Variants in MTRF1 observed in about 807,000 individuals in gnomAD.
MTRF1 encodes mitochondrial translation release factor 1, also known as peptide chain release factor 1, mitochondrial.
Under a neutral mutation model 62.9 loss-of-function variants are expected in MTRF1, and 51 were observed. The observed-to-expected ratio is 0.81, with a 90% confidence interval of 0.65 to 1.02. The LOEUF (loss-of-function observed/expected upper bound fraction) is 1.02. Among genes scored for constraint, MTRF1 ranks in the 50% least tolerant of loss-of-function variants. The pLI, the probability that MTRF1 is intolerant of heterozygous loss-of-function variation, is 0.00. For missense variants in MTRF1, 446 were observed against 530.0 expected, an observed-to-expected ratio of 0.84 and a Z score of 1.56; for synonymous variants, 158 against 181.9, an observed-to-expected ratio of 0.87 and a Z score of 1.06.
the MTRF1 span, among the ~76,000 whole-genome samples, chr13:41,299,078 T>C: frequency 7.1e-6 from 1 of 141,614 alleles, no homozygotes; most frequent in African/African-American, 2.7e-5. Flanking sequence ...CTCAGGAGGC[T>C]GAGGCAGGTG....
the MTRF1 span, among the ~76,000 whole-genome samples, chr13:41,285,398 T>C: frequency 6.6e-6 from 1 of 152,210 alleles, no homozygotes; most frequent in African/African-American, 2.4e-5. Flanking sequence ...TTGGCTGACA[T>C]TTTTGGTGTA....
At chr13:41,309,446 G>A in the MTRF1 span, among the ~76,000 whole-genome samples, 1 of 151,034 alleles carries the variant, frequency 6.6e-6, no homozygotes, top group Non-Finnish European at 1.5e-5. Flanking sequence ...TGCCTCAGCC[G>A]CCCAAAGTGC....
intron 1 of MTRF1, 25 bp from the exon 2 acceptor site, chr13:41,260,940 TA>T (rs3215932): frequency 1.1e-5 from 16 of 1,409,846 alleles, no homozygotes; most frequent in East Asian, 4.7e-5. Context: ...ACACAGTCTT[TA>T]AAAAAAAATC....
intron 7 of MTRF1, among the ~76,000 whole-genome samples, 165 bp downstream of exon 7, chr13:41,233,725 A>C (rs1006563820): frequency 6.6e-6 from 1 of 152,238 alleles, no homozygotes; most frequent in Non-Finnish European, 1.5e-5. Flanking sequence ...GAATCTTTCC[A>C]AACAGAAGGG....
the MTRF1 span, among the ~76,000 whole-genome samples, chr13:41,311,022 G>A: frequency 6.6e-6 from 1 of 152,220 alleles, no homozygotes; most frequent in African/African-American, 2.4e-5. Context: ...GAGGCGTTCT[G>A]ATGCATAGGA....
intron 7 of MTRF1, among the ~76,000 whole-genome samples, chr13:41,228,396 C>T (rs921791842): frequency 1.3e-5 from 2 of 151,966 alleles, no homozygotes; most frequent in Admixed American, 1.3e-4. Context: ...AGCAAGATTT[C>T]GTCTCTACTA....
At chr13:41,292,049 CTGCTA>C in the MTRF1 span, among the ~76,000 whole-genome samples, 2 of 152,248 alleles carry the variant, frequency 1.3e-5, no homozygotes, top group South Asian at 4.1e-4. Context: ...TTTACTTTTT[CTGCTA>C]TGCAGAGACC....
At chr13:41,254,161 G>C (rs1301928380) in intron 3 of MTRF1, among the ~76,000 whole-genome samples, 1 of 152,094 alleles carries the variant, frequency 6.6e-6, no homozygotes, top group Non-Finnish European at 1.5e-5. Context: ...ATTCTATCCA[G>C]AGTGCAAATT....
At chr13:41,277,275 G>A in the MTRF1 span, among the ~76,000 whole-genome samples, 1 of 152,002 alleles carries the variant, frequency 6.6e-6, no homozygotes, top group African/African-American at 2.4e-5. Flanking sequence ...GGGACTACAG[G>A]TGCATGCCAC....
At chr13:41,269,699 CCATTA>C in the MTRF1 span, among the ~76,000 whole-genome samples, 1 of 151,542 alleles carries the variant, frequency 6.6e-6, no homozygotes. Context: ...TACATTTATC[CCATTA>C]CATTTACCTA....
At chr13:41,266,992 G>GT (rs1217651518), upstream of MTRF1, among the ~76,000 whole-genome samples, 9 of 79,302 alleles carry the variant, frequency 1.1e-4, no homozygotes, top group Admixed American at 1.6e-3. Flanking sequence ...GCGAGACTCT[G>GT]TCTCAAAAAA....
intron 1 of MTRF1, chr13:41,261,809 C>T: frequency 1.0e-6 from 1 of 985,076 alleles, no homozygotes; most frequent in South Asian, 4.7e-5. Context: ...AAAAATGCTT[C>T]CCGTTTAGCT....
the MTRF1 span, among the ~76,000 whole-genome samples, chr13:41,285,719 G>A: frequency 3.3e-5 from 5 of 152,026 alleles, no homozygotes; most frequent in African/African-American, 9.7e-5. Flanking sequence ...GGAATTTTGG[G>A]GAGAGACAAC....
In MTRF1 at chr13:41,226,391, C is replaced by T. The variant is rs575661837; in HGVS notation, c.1125+41G>A. The T allele has an allele frequency of 7.0e-6, 11 of 1,581,118 alleles. No homozygotes were observed. The East Asian group carries it at 2.2e-4, about 32-fold the overall frequency. ...GCATTCTCTACAGAAAATGACTTTT[C>T]TTTAAACAGTCACTAAATTATTATA... On this transcript the variant is annotated intron_variant, in intron 8 of 9. Coordinates refer to ENST00000379480, the MANE Select transcript of MTRF1 (RefSeq NM_004294.4).
At chr13:41,245,810 A>G (rs1260655247) in intron 5 of MTRF1, among the ~76,000 whole-genome samples, 1 of 152,206 alleles carries the variant, frequency 6.6e-6, no homozygotes, top group Non-Finnish European at 1.5e-5. Context: ...TGTAATGTTC[A>G]AATAAATAGC....
chr13:41,220,660 T>A, intron 9 of MTRF1: 1 of 1,154,776 alleles, frequency 8.7e-7, no homozygotes, highest in African/African-American at 1.6e-5. Flanking sequence ...AATAAATAAA[T>A]GTAGGGACTC....
In MTRF1 at chr13:41,244,807, C is replaced by A. The variant is rs117482556; in HGVS notation, c.698-4374G>T. 8.3e-4 allele frequency among the ~76,000 whole-genome samples: 126 copies of A among 152,254 alleles called. 1 individual carries two copies. In the East Asian group the frequency reaches 0.011, roughly 14 times the overall value. Reference sequence around the variant, plus strand: ...GTCATGTGTTGAGATGACAACAACCCCACCCAACAGCTTAACTGCAACCTC... The same window carrying A: ...GTCATGTGTTGAGATGACAACAACCACACCCAACAGCTTAACTGCAACCTC... On this transcript the variant is annotated intron_variant, in intron 5 of 9. Transcript: ENST00000379480.
chr13:41,296,887 C>T, the MTRF1 span, among the ~76,000 whole-genome samples: 1 of 152,084 alleles, frequency 6.6e-6, no homozygotes, highest in Non-Finnish European at 1.5e-5. Context: ...TCAATTGGAA[C>T]TTTCATCAGA....
chr13:41,295,149 A>G, the MTRF1 span, among the ~76,000 whole-genome samples: 1 of 152,126 alleles, frequency 6.6e-6, no homozygotes, highest in Non-Finnish European at 1.5e-5. Context: ...CTGTCCTTCA[A>G]TGTTTTTATC....
Sources: allele counts gnomAD v4.1 joint callset (sites outside exome capture counted in the v4.1 genomes callset), GRCh38; gene constraint gnomAD v4.1.1; transcripts MANE v1.5; gene names NCBI Gene and HGNC (gene_info 2026-07-23, HGNC 2026-07-21).